Variants in NGEF observed in about 807,000 individuals in gnomAD.
NGEF encodes ephexin-1.
In NGEF, 31 loss-of-function variants were observed where a neutral mutation model predicts 80.9. That is an observed-to-expected ratio of 0.38 (90% CI 0.29 to 0.52). The LOEUF is 0.52. Ranked by LOEUF, NGEF falls within the 20% of genes least tolerant of loss-of-function variation. The pLI is 0.84. For synonymous variants in NGEF, 371 were observed against 370.2 expected (o/e 1.00, Z -0.03); for missense variants, 709 against 926.2 (o/e 0.77, Z 3.04).
intron 3 of NGEF, among the ~76,000 whole-genome samples, chr2:232,955,963 G>A (rs1328634741): frequency 6.6e-6 from 1 of 152,164 alleles, no homozygotes; most frequent in Non-Finnish European, 1.5e-5. Flanking sequence ...TTAGTTTGGC[G>A]TGTTTTTGAA....
chr2:232,891,244 A>T, intron 8 of NGEF, 114 bp downstream of exon 8: 1 of 1,361,032 alleles, frequency 7.3e-7, no homozygotes, highest in Non-Finnish European at 1.0e-6. Context: ...CACACATGGG[A>T]GGAGCTTAGT....
At chr2:232,935,599 C>T (rs1355694204) in intron 3 of NGEF, among the ~76,000 whole-genome samples, 1 of 152,082 alleles carries the variant, frequency 6.6e-6, no homozygotes, top group Non-Finnish European at 1.5e-5. Context: ...GCCTGGTTGA[C>T]AGAGTGAGAC....
At chr2:232,945,671 G>A (rs957906368) in intron 3 of NGEF, among the ~76,000 whole-genome samples, 2 of 152,010 alleles carry the variant, frequency 1.3e-5, no homozygotes, top group Non-Finnish European at 2.9e-5. Flanking sequence ...TCTTGCTTTG[G>A]CACTTCTGGT....
Position 232,970,334 on chromosome 2 carries a change from A to G in NGEF, c.269-6T>C. ...TTTTCCATTGTCCTGTGAATCTGTG[A>G]CAATTCAGAAATGGAGCAAGTTAGA... On this transcript the variant is annotated splice_region_variant and splice_polypyrimidine_tract_variant and intron_variant, in intron 2 of 14. Coordinates refer to ENST00000264051, the MANE Select transcript of NGEF (RefSeq NM_019850.3). The G allele has an allele frequency of 4.5e-6, 7 of 1,566,142 alleles. No individual in the cohort carries two copies. The highest frequency in any genetic ancestry group is 5.2e-6 in the Non-Finnish European group (6 of 1,146,412).
intron 3 of NGEF, among the ~76,000 whole-genome samples, chr2:232,932,846 T>G (rs1283817325): frequency 4.0e-5 from 6 of 151,876 alleles, no homozygotes; most frequent in African/African-American, 1.5e-4. Context: ...GCTCACACCT[T>G]TAATCCCAGC....
chr2:233,010,336 A>G (rs958441509), intron 1 of NGEF, among the ~76,000 whole-genome samples: 8 of 152,020 alleles, frequency 5.3e-5, no homozygotes, highest in Non-Finnish European at 7.4e-5. Context: ...TATTTAGAGA[A>G]CCTGGAGCAT....
At chr2:232,930,026 T>A (rs1693186668) in intron 3 of NGEF, among the ~76,000 whole-genome samples, 1 of 152,234 alleles carries the variant, frequency 6.6e-6, no homozygotes, top group African/African-American at 2.4e-5. Context: ...CCTTCTGCCA[T>A]GATTGTGAGG....
At chr2:232,943,981 C>A (rs1693496904) in intron 3 of NGEF, among the ~76,000 whole-genome samples, 1 of 151,460 alleles carries the variant, frequency 6.6e-6, no homozygotes, top group South Asian at 2.1e-4. Context: ...ACCTGTAATC[C>A]CAGCACTTTG....
chr2:232,985,142 C>T (rs1229440795), intron 1 of NGEF, among the ~76,000 whole-genome samples: 2 of 152,290 alleles, frequency 1.3e-5, no homozygotes, highest in African/African-American at 4.8e-5. Context: ...TTCTCCTTCC[C>T]TTTCTCCTTC....
At chr2:232,912,529 A>C (rs541046231) in intron 5 of NGEF, among the ~76,000 whole-genome samples, 1 of 152,296 alleles carries the variant, frequency 6.6e-6, no homozygotes, top group East Asian at 1.9e-4. Flanking sequence ...TGGCCTTATA[A>C]AAAGTTGGGA....
At chr2:232,935,394 G>A (rs1193414345) in intron 3 of NGEF, among the ~76,000 whole-genome samples, 1 of 152,208 alleles carries the variant, frequency 6.6e-6, no homozygotes, top group Non-Finnish European at 1.5e-5. Context: ...GAGGCAGGCA[G>A]ATCACTTGAG....
At chr2:232,897,274 G>A (rs1207244371) in intron 5 of NGEF, among the ~76,000 whole-genome samples, 1 of 151,974 alleles carries the variant, frequency 6.6e-6, no homozygotes, top group Non-Finnish European at 1.5e-5. Context: ...GAGCTCCAGG[G>A]TTAGAGGCAT....
chr2:233,004,401 TC>T (rs573559930), intron 1 of NGEF, among the ~76,000 whole-genome samples: 1 of 152,212 alleles, frequency 6.6e-6, no homozygotes, highest in Admixed American at 6.5e-5. Flanking sequence ...CCCTTCCCCA[TC>T]CCCTGGTCGC....
intron 3 of NGEF, chr2:232,928,246 C>CGGCGG: frequency 1.2e-6 from 1 of 828,406 alleles, no homozygotes. Flanking sequence ...GGCCGGGCGG[C>CGGCGG]GGCGGGGCGG....
intron 3 of NGEF, among the ~76,000 whole-genome samples, chr2:232,962,339 C>A (rs1424242248): frequency 6.6e-6 from 1 of 152,134 alleles, no homozygotes; most frequent in African/African-American, 2.4e-5. Context: ...GCGTTCAAGA[C>A]CAGCCTGGTC....
chr2:232,892,808 G>C lies in NGEF; in HGVS notation c.1142+90C>G, dbSNP rs1691924356. The C allele has an allele frequency of 2.9e-6, 4 of 1,382,920 alleles. No homozygotes were observed. The highest frequency in any genetic ancestry group is 4.0e-6 in the Non-Finnish European group (4 of 997,022). The allele number at this position is 1,382,920 out of a possible 1,614,324, so 85.7% of individuals were successfully genotyped here. Reference sequence around the variant, plus strand: ...GAACGCAGAGGTAAAGGACCATGAAGTGTCACCGTGTAAGGAGCCTGGGCC... The same window carrying C: ...GAACGCAGAGGTAAAGGACCATGAACTGTCACCGTGTAAGGAGCCTGGGCC... On this transcript the variant is annotated intron_variant, in intron 7 of 14. Transcript: ENST00000264051. The surrounding 1 kb of genome is among the most constrained non-coding windows in gnomAD (Gnocchi z 4.0).
intron 5 of NGEF, chr2:232,901,274 C>T (rs1692346794): frequency 1.4e-6 from 1 of 719,970 alleles, no homozygotes; most frequent in Non-Finnish European, 1.7e-6. Context: ...CTCGGAGTCC[C>T]ACTCCTGCCT....
Position 232,891,488 on chromosome 2 carries a change from C to A in NGEF, c.1143-1G>T, listed in dbSNP as rs1691882909. On this transcript the variant is annotated splice_acceptor_variant, in intron 7 of 14. Coordinates refer to ENST00000264051, the MANE Select transcript of NGEF (RefSeq NM_019850.3). LOFTEE classifies it high-confidence loss of function. ...CTCCCGGAAAGCTGCCTTCTCCTGGCTGGGGACACAGACAGGTGGAGTAGG... is the reference window on the plus strand; with the variant it reads ...CTCCCGGAAAGCTGCCTTCTCCTGGATGGGGACACAGACAGGTGGAGTAGG... 5 of 1,612,114 alleles carry A rather than the reference C, an allele frequency of 3.1e-6. No individual in the cohort carries two copies. Among genetic ancestry groups the A allele is most frequent in the Non-Finnish European group, 3.4e-6 (4 of 1,179,408 alleles).
intron 1 of NGEF, among the ~76,000 whole-genome samples, chr2:232,995,888 A>G (rs900418002): frequency 1.3e-5 from 2 of 151,218 alleles, no homozygotes; most frequent in African/African-American, 4.9e-5. Flanking sequence ...ACACTATAAT[A>G]CATATATGGA....
Sources: gnomAD v4.1 joint callset for allele counts (sites outside exome capture counted in the v4.1 genomes callset) on GRCh38, gnomAD v4.1.1 for gene constraint, Gnocchi (gnomAD v3.1) non-coding constraint, MANE v1.5 for transcripts, NCBI Gene and HGNC (gene_info 2026-07-23, HGNC 2026-07-21) for gene names.